Variants in DIP2C observed in about 807,000 individuals in gnomAD.
The protein encoded by DIP2C is disco-interacting protein 2 homolog C.
DIP2C carries 33 observed loss-of-function variants against 192.4 expected under a neutral mutation model. The ratio of observed to expected loss-of-function variants is 0.17; its 90% CI spans 0.13 to 0.23. The LOEUF is 0.23. Among genes scored for constraint, DIP2C ranks in the 10% least tolerant of loss-of-function variants. The pLI, the probability that DIP2C is intolerant of heterozygous loss-of-function variation, is 1.00. For synonymous variants in DIP2C, 979 were observed against 864.1 expected, an observed-to-expected ratio of 1.13 and a Z score of -2.33; for missense variants, 1,537 against 2,110.1, an observed-to-expected ratio of 0.73 and a Z score of 5.32.
At chr10:520,739 T>C (rs553891628) in intron 1 of DIP2C, among the ~76,000 whole-genome samples, 8 of 152,328 alleles carry the variant, frequency 5.3e-5, no homozygotes, top group Admixed American at 2.0e-4. Flanking sequence ...TTAGGGCAAA[T>C]AAGTTGGAAA....
chr10:504,161 G>A (rs1383791438), intron 1 of DIP2C, among the ~76,000 whole-genome samples: 1 of 152,234 alleles, frequency 6.6e-6, no homozygotes, highest in Non-Finnish European at 1.5e-5. Flanking sequence ...GCAATAAAGA[G>A]TATTTATCCC....
rs181460720 is a variant in DIP2C at position 509,595 on chromosome 10, C to A, written c.86-23065G>T. ...TGTGCGGTAAGGGCTGCAGGTGTGA[C>A]CTCACTCTGCGCCAGGAGATCCGGG... On this transcript the variant is annotated intron_variant, in intron 1 of 36. Transcript: ENST00000280886. Among the ~76,000 whole-genome samples, 8 of 152,302 alleles carry A rather than the reference C, an allele frequency of 5.3e-5. No homozygotes were observed. The East Asian group carries it at 1.2e-3, about 22-fold the overall frequency.
rs982019438 is a variant in DIP2C at position 631,767 on chromosome 10, C to T, written c.85+57727G>A. On this transcript the variant is annotated intron_variant, in intron 1 of 36. Transcript: ENST00000280886. Reference sequence around the variant, plus strand: ...AACACATACTCTAATAATGCATTCCCGGGAGCAGAGAGAGCTTAGCAGCTT... The same window carrying T: ...AACACATACTCTAATAATGCATTCCTGGGAGCAGAGAGAGCTTAGCAGCTT... 3.9e-5 allele frequency among the ~76,000 whole-genome samples: 6 copies of T among 152,170 alleles called. No individual in the cohort carries two copies. The East Asian group carries it at 9.6e-4, about 24-fold the overall frequency.
At chr10:345,154 A>T in intron 26 of DIP2C, 44 bp from the exon 27 acceptor site, 1 of 1,556,166 alleles carries the variant, frequency 6.4e-7, no homozygotes, top group South Asian at 1.1e-5. Context: ...GTGGACCCAG[A>T]TGAAAGCGTG....
intron 18 of DIP2C, among the ~76,000 whole-genome samples, chr10:367,182 C>T (rs1157322183): frequency 1.3e-5 from 2 of 152,212 alleles, no homozygotes; most frequent in Admixed American, 6.5e-5. Context: ...CTTTGGGAGG[C>T]CGAGGCGGGC....
At chr10:318,311 G>A (rs1288566901) in intron 31 of DIP2C, among the ~76,000 whole-genome samples, 2 of 152,210 alleles carry the variant, frequency 1.3e-5, no homozygotes, top group African/African-American at 4.8e-5. Context: ...CAGCCTTCCT[G>A]GAAGCTAGGG....
At chr10:365,439 A>G (rs1272017001) in intron 19 of DIP2C, among the ~76,000 whole-genome samples, 1 of 152,166 alleles carries the variant, frequency 6.6e-6, no homozygotes, top group Non-Finnish European at 1.5e-5. Flanking sequence ...TCGGAGGCTG[A>G]GGCAGGAAGA....
intron 35 of DIP2C, chr10:282,211 T>C (rs929030775): frequency 3.3e-5 from 5 of 152,384 alleles, no homozygotes; most frequent in Admixed American, 3.3e-4. Flanking sequence ...GCTTTGCCTC[T>C]TCTCCTGTGG....
chr10:383,014 T>G (rs887982810), intron 16 of DIP2C, among the ~76,000 whole-genome samples: 9 of 152,240 alleles, frequency 5.9e-5, no homozygotes, highest in African/African-American at 2.2e-4. Context: ...TTTAGTAACT[T>G]TTCTGAGACT....
intron 29 of DIP2C, among the ~76,000 whole-genome samples, chr10:332,727 G>A (rs1162723080): frequency 1.3e-5 from 2 of 152,166 alleles, no homozygotes; most frequent in African/African-American, 4.8e-5. Flanking sequence ...GCAATTTGAT[G>A]ATTTCAGATT....
chr10:374,111 GGTGTGCATCTGTGTAGGT>G (rs1961301471), intron 17 of DIP2C, among the ~76,000 whole-genome samples: 1 of 152,068 alleles, frequency 6.6e-6, no homozygotes, highest in Admixed American at 6.5e-5. Flanking sequence ...TCTGTGTGTG[GGTGTGCATCTGTGTAGGT>G]GTGTGCACCA....
intron 1 of DIP2C, among the ~76,000 whole-genome samples, chr10:579,398 C>T (rs988319654): frequency 6.6e-6 from 1 of 152,030 alleles, no homozygotes; most frequent in African/African-American, 2.4e-5. Flanking sequence ...AGTGTACACA[C>T]ATCCAGATCC....
chr10:403,987 C>A (rs376369363), intron 9 of DIP2C, among the ~76,000 whole-genome samples: 263 of 71,842 alleles, frequency 3.7e-3, no homozygotes, highest in African/African-American at 5.2e-3. Context: ...GTATGTGTTC[C>A]TCAGCACATG....
chr10:689,449 TC>T lies in DIP2C; in HGVS notation c.85+44del. The T allele has an allele frequency of 2.8e-6, 3 of 1,055,642 alleles. No homozygotes were observed. Among genetic ancestry groups the T allele is most frequent in the South Asian group, 3.1e-5 (1 of 32,570 alleles). The allele number at this position is 1,055,642 out of a possible 1,614,324, so 65.4% of individuals were successfully genotyped here. ...GCCCCCAGCCCTCCGCGCGCGGCCC[TC>T]CCCGGTGACAGCGCGGCCCGGCCCG... On this transcript the variant is annotated intron_variant, in intron 1 of 36. Transcript: ENST00000280886. This position sits in a 1 kb window ranked among gnomAD's most constrained non-coding sequence, Gnocchi z 6.1.
At position 384,161 on chromosome 10, in the gene DIP2C, A is replaced by G. The variant is rs1962640982; in HGVS notation, c.1757-15T>C. ...CGCCACTTTTGCTAAAAAGAAAAAT[A>G]GAAATAAGTTAACATGTGCCACCGT... On this transcript the variant is annotated splice_polypyrimidine_tract_variant and intron_variant, in intron 15 of 36. Transcript: ENST00000280886. 6 of 1,610,614 alleles carry G rather than the reference A, an allele frequency of 3.7e-6. No homozygotes were observed. The Admixed American group carries it at 1.0e-4, about 27-fold the overall frequency.
At chr10:628,779 C>T (rs1211540251) in intron 1 of DIP2C, 1 of 152,406 alleles carries the variant, frequency 6.6e-6, no homozygotes, top group African/African-American at 2.4e-5. Flanking sequence ...GAACCGGAAG[C>T]CACAGGGACA....
At chr10:298,360 G>A (rs1041743685) in intron 32 of DIP2C, among the ~76,000 whole-genome samples, 6 of 152,152 alleles carry the variant, frequency 3.9e-5, no homozygotes, top group Non-Finnish European at 7.3e-5. Context: ...AGAGATGAGC[G>A]CCCTTCCCAT....
At chr10:662,728 T>TA (rs1333010392) in intron 1 of DIP2C, 3 of 591,270 alleles carry the variant, frequency 5.1e-6, no homozygotes, top group Non-Finnish European at 3.1e-6. Context: ...TTTGAGGAAA[T>TA]AATTTTTAAA....
At chr10:321,608 T>C (rs1957027893) in intron 31 of DIP2C, among the ~76,000 whole-genome samples, 2 of 137,306 alleles carry the variant, frequency 1.5e-5, no homozygotes, top group Admixed American at 1.5e-4. Context: ...CCGGCGCTGT[T>C]AGAACAGTCA....
Sources: gnomAD v4.1 joint callset for allele counts (sites outside exome capture counted in the v4.1 genomes callset) on GRCh38, gnomAD v4.1.1 for gene constraint, Gnocchi (gnomAD v3.1) non-coding constraint, MANE v1.5 for transcripts, NCBI Gene and HGNC (gene_info 2026-07-23, HGNC 2026-07-21) for gene names.